PRKD2: variants seen among roughly 807,000 people sequenced by gnomAD.
The protein encoded by PRKD2 is protein kinase D2.
PRKD2 carries 22 observed loss-of-function variants against 86.0 expected under a neutral mutation model. The observed-to-expected ratio is 0.26, with a 90% CI of 0.18 to 0.37. The LOEUF is 0.37. PRKD2 is among the 10% of genes least tolerant of loss of function. The pLI, the probability that PRKD2 is intolerant of heterozygous loss-of-function variation, is 1.00. For missense variants in PRKD2, 818 were observed against 1,199.2 expected, an observed-to-expected ratio of 0.68 and a Z score of 4.70; for synonymous variants, 509 against 510.9, an observed-to-expected ratio of 1.00 and a Z score of 0.05.
intron 15 of PRKD2, among the ~76,000 whole-genome samples, chr19:46,681,432 A>C (rs959073340): frequency 2.0e-4 from 29 of 148,302 alleles, no homozygotes; most frequent in African/African-American, 7.2e-4. Flanking sequence ...TTTTTTTTTC[A>C]TTTTTTGTAT....
At chr19:46,696,564 C>G (rs994257615) in intron 9 of PRKD2, among the ~76,000 whole-genome samples, 1 of 152,096 alleles carries the variant, frequency 6.6e-6, no homozygotes, top group Non-Finnish European at 1.5e-5. Flanking sequence ...TCAAGACCAT[C>G]CTGTCCAACA....
chr19:46,716,853 G>T lies in PRKD2; in HGVS notation c.-483C>A, dbSNP rs2053887240. 1 of 152,550 alleles carries T rather than the reference G, an allele frequency of 6.6e-6. No homozygotes were observed. The highest frequency in any genetic ancestry group is 6.6e-5 in the Admixed American group (1 of 15,262). The allele number at this position is 152,550 out of a possible 1,614,324, so 9.4% of individuals were successfully genotyped here. ...GGCAGGAGTCTCTGAGTCGGGGACC[G>T]AGTGGATTCCAGAGATAAAGGGGTT... On this transcript the variant is annotated 5_prime_UTR_variant, in exon 1 of 18. Coordinates refer to ENST00000291281, the MANE Select transcript of PRKD2 (RefSeq NM_016457.5). This position sits in a 1 kb window ranked among gnomAD's most constrained non-coding sequence, Gnocchi z 7.9.
intron 5 of PRKD2, 113 bp from the exon 6 acceptor site, chr19:46,701,225 G>A (rs556668464): frequency 8.8e-7 from 1 of 1,133,140 alleles, no homozygotes; most frequent in Non-Finnish European, 1.3e-6. Context: ...TGCTGTCTGG[G>A]TAAGAACACT....
chr19:46,678,230 C>G lies in PRKD2; in HGVS notation c.2338+166G>C, dbSNP rs929912457. The G allele has an allele frequency of 1.7e-4, 188 of 1,078,818 alleles. 1 individual carries two copies. Among genetic ancestry groups the G allele is most frequent in the Middle Eastern group, 9.3e-4 (3 of 3,224 alleles). The allele number at this position is 1,078,818 out of a possible 1,614,324, so 66.8% of individuals were successfully genotyped here. On this transcript the variant is annotated intron_variant, in intron 16 of 17. Transcript: ENST00000291281. The surrounding 1 kb of genome is among the most constrained non-coding windows in gnomAD (Gnocchi z 5.7). ...GAGTCCCAGCCCATCTTTTACAGGA[C>G]GGCTCCTCCTGTAGCCACATCCCTC...
intron 9 of PRKD2, among the ~76,000 whole-genome samples, chr19:46,695,442 C>T (rs1313321372): frequency 6.6e-6 from 1 of 152,232 alleles, no homozygotes; most frequent in Non-Finnish European, 1.5e-5. Flanking sequence ...AAGATCGCGC[C>T]ACTGCACTCC....
rs1365707970 is a variant in PRKD2 at position 46,694,171 on chromosome 19, G to A, written c.1318-38C>T. 3 of 1,601,942 alleles carry A rather than the reference G, an allele frequency of 1.9e-6. 1 individual carries two copies. In the South Asian group the frequency reaches 3.3e-5, roughly 18 times the overall value. Reference sequence around the variant, plus strand: ...GAACCAGCACAGGTGAGGATGCCAGGCAGACCTTGGAATTCTAGTGCTTAC... The same window carrying A: ...GAACCAGCACAGGTGAGGATGCCAGACAGACCTTGGAATTCTAGTGCTTAC... On this transcript the variant is annotated intron_variant, in intron 9 of 17. Transcript: ENST00000291281.
chr19:46,675,997 A>C (rs1418580807), intron 16 of PRKD2, among the ~76,000 whole-genome samples: 1 of 151,926 alleles, frequency 6.6e-6, no homozygotes, highest in Non-Finnish European at 1.5e-5. Context: ...GGGCTCAAGC[A>C]ATCTGCCTAC....
At position 46,713,888 on chromosome 19, in the gene PRKD2, G is replaced by A. The variant is rs1436614915; in HGVS notation, c.354C>T (p.Gly118=). ...CCGACAGCACCACCTCCACCAGGTC[G>A]CCCTCCTGGATGTCTCCGGACGAGC... is the stretch of plus-strand genomic sequence containing the variant. ...LVRSSGDIQE[G]DLVEVVLSAS... Residue 118 remains glycine (G), a synonymous_variant, in exon 2 of 18, where the codon GGC becomes GGT. Coordinates refer to ENST00000291281, the MANE Select transcript of PRKD2 (RefSeq NM_016457.5). The A allele has an allele frequency of 1.3e-6, 2 of 1,595,162 alleles. No homozygotes were observed. Among genetic ancestry groups the A allele is most frequent in the Admixed American group, 1.7e-5 (1 of 59,232 alleles).
intron 14 of PRKD2, among the ~76,000 whole-genome samples, chr19:46,684,153 C>A (rs758065916): frequency 6.6e-6 from 1 of 152,068 alleles, no homozygotes; most frequent in Non-Finnish European, 1.5e-5. Context: ...GTAGAGATGG[C>A]ATCTCGCTAT....
In PRKD2 at chr19:46,716,306, G is replaced by A. The variant is rs1330793119; in HGVS notation, c.65C>T (p.Pro22Leu). ...CGACTGCAGCTCTAGGCCGCCGGGG[G>A]GCGGAGGAGACCCCGGCCCGGGAGA... The part of the protein sequence containing the change: ...PGSPGPGSPP[P>L]PGGLELQSPP... The change falls in exon 1 of 18, where the codon CCC becomes CTC. Residue 22 changes from proline to leucine, a missense_variant. Coordinates refer to ENST00000291281, the MANE Select transcript of PRKD2 (RefSeq NM_016457.5). This position sits in a 1 kb window ranked among gnomAD's most constrained non-coding sequence, Gnocchi z 7.9. The A allele has an allele frequency of 6.6e-7, 1 of 1,526,658 alleles. No individual in the cohort carries two copies. Among genetic ancestry groups the A allele is most frequent in the South Asian group, 1.2e-5 (1 of 81,110 alleles). The allele number at this position is 1,526,658 out of a possible 1,614,324, so 94.6% of individuals were successfully genotyped here.
At chr19:46,676,452 T>C (rs73563507) in intron 16 of PRKD2, among the ~76,000 whole-genome samples, 6,232 of 151,880 alleles carry the variant, frequency 0.041, 328 homozygotes, top group African/African-American at 0.11. Context: ...AAACAAAATG[T>C]CATCAGATGG....
intron 3 of PRKD2, among the ~76,000 whole-genome samples, chr19:46,708,307 CCTT>C (rs2053746421): frequency 2.3e-5 from 3 of 131,134 alleles, no homozygotes; most frequent in African/African-American, 6.1e-5. Context: ...GGACTGGTGA[CCTT>C]TTTTTTTTTT....
At chr19:46,689,296 T>C (rs1292200562) in intron 14 of PRKD2, among the ~76,000 whole-genome samples, 1 of 151,910 alleles carries the variant, frequency 6.6e-6, no homozygotes. Context: ...TAATTTTTTG[T>C]ATTTCTAGTA....
chr19:46,698,146 G>A (rs542492223), intron 7 of PRKD2, among the ~76,000 whole-genome samples: 1 of 151,990 alleles, frequency 6.6e-6, no homozygotes, highest in East Asian at 1.9e-4. Context: ...GGACAATCAC[G>A]GTGACCATTA....
intron 9 of PRKD2, among the ~76,000 whole-genome samples, chr19:46,695,452 C>T (rs1222892537): frequency 1.3e-5 from 2 of 152,238 alleles, no homozygotes; most frequent in African/African-American, 4.8e-5. Flanking sequence ...CACTGCACTC[C>T]AGCCTGGGTG....
intron 12 of PRKD2, 141 bp from the exon 13 acceptor site, chr19:46,690,847 C>T (rs910735074): frequency 9.2e-6 from 6 of 655,618 alleles, no homozygotes; most frequent in East Asian, 2.8e-5. Context: ...CCAGGAGATA[C>T]GTGAAAAGGC....
chr19:46,709,069 T>G (rs2053763739), intron 3 of PRKD2, among the ~76,000 whole-genome samples: 1 of 148,588 alleles, frequency 6.7e-6, no homozygotes, highest in Non-Finnish European at 1.5e-5. Flanking sequence ...CTCTGTCTCC[T>G]GGGTTCAAGT....
chr19:46,697,593 G>T, intron 8 of PRKD2, 140 bp downstream of exon 8: 1 of 718,158 alleles, frequency 1.4e-6, no homozygotes, highest in African/African-American at 1.8e-5. Context: ...TTCTAGCCCC[G>T]CCTCCAGCAC....
chr19:46,693,827 C>G lies in PRKD2; in HGVS notation c.1576+48G>C. Reference sequence around the variant, plus strand: ...CCTTCCATTCCCCAGAACCGTGCCCCACCCATCTAGATCTATTCTCTCAAG... The same window carrying G: ...CCTTCCATTCCCCAGAACCGTGCCCGACCCATCTAGATCTATTCTCTCAAG... On this transcript the variant is annotated intron_variant, in intron 10 of 17. Coordinates refer to ENST00000291281, the MANE Select transcript of PRKD2 (RefSeq NM_016457.5). This position sits in a 1 kb window ranked among gnomAD's most constrained non-coding sequence, Gnocchi z 4.5. 3 of 1,539,936 alleles carry G rather than the reference C, an allele frequency of 1.9e-6. No homozygotes were observed. The South Asian group carries it at 3.6e-5, about 19-fold the overall frequency.
Sources: allele counts gnomAD v4.1 joint callset (sites outside exome capture counted in the v4.1 genomes callset), GRCh38; gene constraint gnomAD v4.1.1; non-coding constraint Gnocchi (gnomAD v3.1); transcripts MANE v1.5; gene names NCBI Gene and HGNC (gene_info 2026-07-23, HGNC 2026-07-21).